Variants in SLC4A8 observed in about 807,000 individuals in gnomAD.
SLC4A8 encodes the protein electroneutral sodium bicarbonate exchanger 1.
A neutral mutation model predicts 125.0 loss-of-function variants in SLC4A8; 40 were observed. The ratio of observed to expected loss-of-function variants is 0.32; its 90% CI spans 0.25 to 0.42. The LOEUF (loss-of-function observed/expected upper bound fraction) is 0.42. Ranked by LOEUF, SLC4A8 falls within the 10% of genes least tolerant of loss-of-function variation. SLC4A8 has a pLI of 1.00. For missense variants in SLC4A8, 863 were observed against 1,355.1 expected, an observed-to-expected ratio of 0.64 and a Z score of 5.70; for synonymous variants, 456 against 476.0, an observed-to-expected ratio of 0.96 and a Z score of 0.55.
Position 51,470,430 on chromosome 12 carries a change from G to C in SLC4A8, c.1563G>C (p.Gly521=). 6.2e-7 allele frequency: 1 copy of C among 1,614,008 alleles called. No homozygotes were observed. Among genetic ancestry groups the C allele is most frequent in the Non-Finnish European group, 8.5e-7 (1 of 1,179,868 alleles). The part of the protein sequence containing the change: ...IESLFGASMT[G]IAYSLFAGQA... The stretch of plus-strand genomic sequence containing the variant: ...CCTTGTTTGGAGCTTCCATGACTGG[G>C]ATTGCTTATTCCTTGTTTGCGGGAC... The change falls in exon 13 of 25, where the codon GGG becomes GGC. Residue 521 remains glycine (G), a synonymous_variant. Coordinates refer to ENST00000453097, the MANE Select transcript of SLC4A8 (RefSeq NM_001039960.3).
chr12:51,396,362 TAA>T lies in SLC4A8; in HGVS notation c.-112+4878_-112+4879del, dbSNP rs531819638. On this transcript the variant is annotated intron_variant, in intron 1 of 24. Transcript: ENST00000358657. Reference sequence around the variant, plus strand: ...CATAGTTTGTCAGGGGAGCCTGATGTAAAAATGACTATGAAGGAGCAGGGCTA... The same window carrying T: ...CATAGTTTGTCAGGGGAGCCTGATGTAAATGACTATGAAGGAGCAGGGCTA... Among the ~76,000 whole-genome samples the T allele has an allele frequency of 1.3e-3, 192 of 152,282 alleles. 2 individuals are homozygous for T. Among genetic ancestry groups the T allele is most frequent in the African/African-American group, 4.5e-3 (185 of 41,552 alleles).
chr12:51,491,268 G>C (rs559916500), intron 19 of SLC4A8, among the ~76,000 whole-genome samples: 4 of 152,220 alleles, frequency 2.6e-5, no homozygotes, highest in South Asian at 4.2e-4. Flanking sequence ...ACAGCACATA[G>C]GTGGTATTGA....
intron 22 of SLC4A8, among the ~76,000 whole-genome samples, chr12:51,498,757 T>A (rs1464122658): frequency 6.1e-3 from 1 of 164 alleles, no homozygotes; most frequent in Non-Finnish European, 9.1e-3. Flanking sequence ...GGCAGGCGCC[T>A]ATAATCTAGC....
intron 1 of SLC4A8, among the ~76,000 whole-genome samples, chr12:51,416,220 T>G (rs1417728095): frequency 4.7e-5 from 7 of 150,026 alleles, no homozygotes; most frequent in Middle Eastern, 3.4e-3. Flanking sequence ...TGTTTTTTTT[T>G]TTTTTTTTTT....
chr12:51,424,041 A>AC (rs1481779361), upstream of SLC4A8, among the ~76,000 whole-genome samples: 11 of 46,826 alleles, frequency 2.3e-4, 1 homozygote, highest in South Asian at 2.2e-3. Context: ...CGTCTCCAAA[A>AC]AAAAAAAAAA....
chr12:51,492,542 G>A (rs1209956536), intron 19 of SLC4A8, among the ~76,000 whole-genome samples: 1 of 152,148 alleles, frequency 6.6e-6, no homozygotes, highest in African/African-American at 2.4e-5. Context: ...GGCCATCCCT[G>A]GGCTTTCCCC....
chr12:51,401,914 G>A (rs968834388), intron 1 of SLC4A8, among the ~76,000 whole-genome samples: 3 of 151,730 alleles, frequency 2.0e-5, no homozygotes, highest in African/African-American at 7.3e-5. Flanking sequence ...ACAGACATGT[G>A]CAACCACACC....
intron 22 of SLC4A8, among the ~76,000 whole-genome samples, chr12:51,501,328 C>A (rs755896065): frequency 2.6e-4 from 40 of 152,122 alleles, no homozygotes; most frequent in Non-Finnish European, 5.1e-4. Context: ...CTTTTGGAGT[C>A]CCCAGTGTTT....
At chr12:51,419,881 G>A (rs1417946634), upstream of SLC4A8, among the ~76,000 whole-genome samples, 1 of 152,116 alleles carries the variant, frequency 6.6e-6, no homozygotes, top group Non-Finnish European at 1.5e-5. Context: ...AGTGGGGAGC[G>A]ATTTTCACAG....
intron 16 of SLC4A8, among the ~76,000 whole-genome samples, chr12:51,482,882 G>A (rs2138370065): frequency 6.6e-6 from 1 of 152,222 alleles, no homozygotes; most frequent in South Asian, 2.1e-4. Context: ...GAAAACCAAT[G>A]TATATGTAAG....
chr12:51,503,893 G>T, intron 22 of SLC4A8, 136 bp from the exon 23 acceptor site: 1 of 570,578 alleles, frequency 1.8e-6, no homozygotes, highest in Non-Finnish European at 3.1e-6. Flanking sequence ...GGTAACTCAA[G>T]TCTATGAAAG....
intron 1 of SLC4A8, among the ~76,000 whole-genome samples, chr12:51,433,193 T>C (rs1949255123): frequency 6.6e-6 from 1 of 152,244 alleles, no homozygotes; most frequent in Non-Finnish European, 1.5e-5. Flanking sequence ...CATTCATTTT[T>C]CAAGGCTCAT....
intron 1 of SLC4A8, among the ~76,000 whole-genome samples, chr12:51,426,259 A>G (rs976557809): frequency 1.3e-5 from 2 of 152,190 alleles, no homozygotes; most frequent in African/African-American, 4.8e-5. Context: ...GCTCTGTCTG[A>G]AAAGAACAAT....
At chr12:51,476,782 T>C (rs942290232) in intron 16 of SLC4A8, among the ~76,000 whole-genome samples, 1 of 152,106 alleles carries the variant, frequency 6.6e-6, no homozygotes, top group African/African-American at 2.4e-5. Context: ...ACCTTCTTGG[T>C]GTTTCATATA....
intron 23 of SLC4A8, among the ~76,000 whole-genome samples, chr12:51,505,127 G>A (rs529195454): frequency 2.6e-5 from 4 of 152,300 alleles, no homozygotes; most frequent in South Asian, 2.1e-4. Flanking sequence ...GGAAGGAGCC[G>A]TGAGCTTGAT....
At chr12:51,485,410 T>C (rs562381621) in intron 16 of SLC4A8, among the ~76,000 whole-genome samples, 105 of 152,228 alleles carry the variant, frequency 6.9e-4, no homozygotes, top group African/African-American at 2.3e-3. Context: ...GACTGGCTAT[T>C]GGGTATGAGG....
chr12:51,495,470 C>CTTTTTTTTTTTTTTTT (rs3028942), intron 21 of SLC4A8, among the ~76,000 whole-genome samples: 5 of 76,272 alleles, frequency 6.6e-5, no homozygotes, highest in Non-Finnish European at 1.2e-4. Context: ...TTTCTTTCTT[C>CTTTTTTTTTTTTTTTT]TTTTTTTTTT....
At chr12:51,491,855 A>AT (rs988041536) in intron 19 of SLC4A8, among the ~76,000 whole-genome samples, 2 of 151,946 alleles carry the variant, frequency 1.3e-5, no homozygotes, top group Non-Finnish European at 2.9e-5. Flanking sequence ...GATTTAGTGC[A>AT]TTTTAACATG....
intron 1 of SLC4A8, among the ~76,000 whole-genome samples, chr12:51,409,770 G>C (rs1031930390): frequency 3.3e-5 from 5 of 152,158 alleles, no homozygotes; most frequent in African/African-American, 1.2e-4. Flanking sequence ...CCAAATGTAA[G>C]TCTGGCTGCT....
Sources: gnomAD v4.1 joint callset for allele counts (sites outside exome capture counted in the v4.1 genomes callset) on GRCh38, gnomAD v4.1.1 for gene constraint, MANE v1.5 for transcripts, NCBI Gene and HGNC (gene_info 2026-07-23, HGNC 2026-07-21) for gene names.